NKAIN2: variants seen among roughly 807,000 people sequenced by gnomAD.
NKAIN2 encodes sodium/potassium-transporting ATPase subunit beta-1-interacting protein 2.
In NKAIN2, 14 loss-of-function variants were observed where a neutral mutation model predicts 32.6. That is an observed-to-expected ratio of 0.43 (90% CI 0.28 to 0.67). NKAIN2 has a LOEUF of 0.67. NKAIN2 is among the 30% of genes least tolerant of loss of function. NKAIN2 has a pLI of 0.17. For missense variants in NKAIN2, 198 were observed against 258.3 expected, an observed-to-expected ratio of 0.77 and a Z score of 1.60; for synonymous variants, 80 against 87.2, an observed-to-expected ratio of 0.92 and a Z score of 0.46.
intron 1 of NKAIN2, among the ~76,000 whole-genome samples, chr6:123,901,867 G>A (rs1774606647): frequency 6.6e-6 from 1 of 151,764 alleles, no homozygotes; most frequent in Admixed American, 6.6e-5. Flanking sequence ...TCTTTAGTTA[G>A]GTACAATTTC....
intron 3 of NKAIN2, among the ~76,000 whole-genome samples, chr6:124,367,825 T>C (rs1799589076): frequency 6.6e-6 from 1 of 152,134 alleles, no homozygotes; most frequent in South Asian, 2.1e-4. Context: ...CCACCCAAGA[T>C]ATCAAGTGAA....
intron 5 of NKAIN2, among the ~76,000 whole-genome samples, 183 bp from the exon 6 acceptor site, chr6:124,818,204 G>A (rs1402190004): frequency 2.0e-5 from 3 of 152,004 alleles, no homozygotes; most frequent in African/African-American, 7.2e-5. Flanking sequence ...GGGGAGGGGG[G>A]CAGCGGAATC....
intron 4 of NKAIN2, among the ~76,000 whole-genome samples, chr6:124,712,323 C>T (rs1775529657): frequency 1.7e-5 from 2 of 117,528 alleles, no homozygotes; most frequent in South Asian, 2.6e-4. Context: ...AGGCAGGCCT[C>T]CTTGAGCTGT....
At chr6:124,167,180 C>T (rs1413740576) in intron 1 of NKAIN2, among the ~76,000 whole-genome samples, 1 of 148,744 alleles carries the variant, frequency 6.7e-6, no homozygotes, top group African/African-American at 2.5e-5. Flanking sequence ...TGTTTGTATC[C>T]TCTTTTATTT....
At chr6:124,577,822 A>G (rs1299950631) in intron 3 of NKAIN2, among the ~76,000 whole-genome samples, 1 of 152,076 alleles carries the variant, frequency 6.6e-6, no homozygotes, top group Non-Finnish European at 1.5e-5. Context: ...TGAGGAGAGG[A>G]CAAGGAAAAG....
At chr6:123,836,128 G>T (rs1291030000) in intron 1 of NKAIN2, among the ~76,000 whole-genome samples, 1 of 152,014 alleles carries the variant, frequency 6.6e-6, no homozygotes, top group Non-Finnish European at 1.5e-5. Flanking sequence ...AACAAATGGT[G>T]GAGAAGGGAT....
intron 1 of NKAIN2, among the ~76,000 whole-genome samples, chr6:124,258,431 A>T (rs942012332): frequency 6.6e-6 from 1 of 152,210 alleles, no homozygotes; most frequent in African/African-American, 2.4e-5. Flanking sequence ...CAAAGTTAAG[A>T]TCTTGTAAAA....
chr6:124,348,573 C>A (rs548799675), intron 2 of NKAIN2, among the ~76,000 whole-genome samples: 2 of 152,200 alleles, frequency 1.3e-5, no homozygotes, highest in Non-Finnish European at 2.9e-5. Context: ...TGCTGCCTTG[C>A]AGTTTGATCT....
intron 1 of NKAIN2, among the ~76,000 whole-genome samples, chr6:124,045,220 A>G (rs1174598833): frequency 2.6e-5 from 4 of 151,968 alleles, no homozygotes; most frequent in Non-Finnish European, 5.9e-5. Context: ...GCATATATAT[A>G]TGAAACTACT....
intron 3 of NKAIN2, among the ~76,000 whole-genome samples, chr6:124,482,760 G>GTT (rs1422590832): frequency 1.3e-5 from 2 of 152,206 alleles, no homozygotes; most frequent in Non-Finnish European, 2.9e-5. Flanking sequence ...TGATCAAGTA[G>GTT]TTTAATATGG....
chr6:123,976,054 A>G (rs1264037297), intron 1 of NKAIN2, among the ~76,000 whole-genome samples: 3 of 151,302 alleles, frequency 2.0e-5, no homozygotes, highest in Admixed American at 1.3e-4. Context: ...TCCCCTGCAC[A>G]TGCTTTCTTG....
intron 3 of NKAIN2, among the ~76,000 whole-genome samples, chr6:124,521,417 A>G (rs893930349): frequency 6.6e-6 from 1 of 152,144 alleles, no homozygotes; most frequent in Non-Finnish European, 1.5e-5. Context: ...TTTCTTCTTT[A>G]GTCATCATAT....
chr6:124,651,894 C>T (rs1181283478), intron 3 of NKAIN2, among the ~76,000 whole-genome samples: 1 of 152,170 alleles, frequency 6.6e-6, no homozygotes. Flanking sequence ...CAAATGTGTA[C>T]TTGGCCATAC....
intron 3 of NKAIN2, among the ~76,000 whole-genome samples, chr6:124,383,825 T>C (rs892274246): frequency 6.6e-6 from 1 of 152,208 alleles, no homozygotes; most frequent in African/African-American, 2.4e-5. Context: ...CTGTATTCCA[T>C]ACCTGGACTT....
At chr6:124,210,889 A>C (rs1352753403) in intron 1 of NKAIN2, among the ~76,000 whole-genome samples, 1 of 151,842 alleles carries the variant, frequency 6.6e-6, no homozygotes, top group African/African-American at 2.4e-5. Flanking sequence ...TCTGCAAACA[A>C]GGTTAATTTG....
Position 124,717,106 on chromosome 6 carries a change from T to C in NKAIN2, c.474+58720T>C, listed in dbSNP as rs934888693. On this transcript the variant is annotated intron_variant, in intron 4 of 6. Transcript: ENST00000368417. ...CAGAACTACAGTACACACAACTAGC[T>C]TTGAGCCCCACCTTGACACTTTCTC... is the stretch of plus-strand genomic sequence containing the variant. Among the ~76,000 whole-genome samples the C allele has an allele frequency of 1.7e-4, 26 of 152,222 alleles. 1 individual carries two copies. The highest frequency in any genetic ancestry group is 1.5e-5 in the Non-Finnish European group (1 of 68,036).
rs768152340 is a variant in NKAIN2, at chr6:124,731,380, T to TA, written c.475-59953dup. ...TACACCATGGAATACTATGCAGCCA[T>TA]AAAAAATGATGAGTTCATGTCCTTT... On this transcript the variant is annotated intron_variant, in intron 4 of 6. Coordinates refer to ENST00000368417, the MANE Select transcript of NKAIN2 (RefSeq NM_001040214.3). Among the ~76,000 whole-genome samples, 105 of 151,716 alleles carry TA rather than the reference T, an allele frequency of 6.9e-4. 1 individual carries two copies. The highest frequency in any genetic ancestry group is 7.5e-4 in the Non-Finnish European group (51 of 67,916).
chr6:123,988,951 AG>A (rs1779291094), intron 1 of NKAIN2, among the ~76,000 whole-genome samples: 2 of 151,726 alleles, frequency 1.3e-5, no homozygotes, highest in African/African-American at 4.8e-5. Flanking sequence ...GAAGATCCTT[AG>A]GAGAAGATCT....
intron 1 of NKAIN2, among the ~76,000 whole-genome samples, chr6:124,165,209 T>C (rs1373544409): frequency 6.6e-6 from 1 of 152,056 alleles, no homozygotes; most frequent in African/African-American, 2.4e-5. Flanking sequence ...TTGAAATATG[T>C]GAATATGCCT....
Sources: gnomAD v4.1 joint callset for allele counts (sites outside exome capture counted in the v4.1 genomes callset) on GRCh38, gnomAD v4.1.1 for gene constraint, MANE v1.5 for transcripts, NCBI Gene and HGNC (gene_info 2026-07-23, HGNC 2026-07-21) for gene names.